Variants in COL24A1 observed in about 807,000 individuals in gnomAD.
COL24A1 encodes the protein collagen type XXIV alpha 1 chain.
A neutral mutation model predicts 253.9 loss-of-function variants in COL24A1; 224 were observed. The observed-to-expected ratio is 0.88, with a 90% CI of 0.79 to 0.99. The LOEUF (loss-of-function observed/expected upper bound fraction) is 0.99, where lower values mean the gene tolerates loss of function less well. COL24A1 is among the 50% of genes least tolerant of loss of function. COL24A1 has a pLI of 0.00. For synonymous variants in COL24A1, 685 were observed against 673.7 expected (o/e 1.02, Z -0.26); for missense variants, 2,131 against 2,068.5 (o/e 1.03, Z -0.59).
chr1:85,869,986 TA>T (rs1435104697), intron 35 of COL24A1, among the ~76,000 whole-genome samples: 4 of 151,846 alleles, frequency 2.6e-5, no homozygotes, highest in African/African-American at 9.7e-5. Context: ...TGGCTCAAAA[TA>T]AAGGGATGGA....
chr1:85,962,406 A>T (rs960630010), intron 23 of COL24A1, among the ~76,000 whole-genome samples: 1 of 152,196 alleles, frequency 6.6e-6, no homozygotes, highest in Non-Finnish European at 1.5e-5. Context: ...TATAGTCTTG[A>T]TTTATTCCAA....
At position 86,112,953 on chromosome 1, in the gene COL24A1, T is replaced by TTCTAA. The variant is rs550051387; in HGVS notation, c.1546-334_1546-333insTTAGA. On this transcript the variant is annotated intron_variant, in intron 4 of 59. Transcript: ENST00000370571. Reference sequence around the variant, plus strand: ...ACATTTCTTATACTGTTCTAATCTGTTACTTAAATACTTTATTGCTGTTCT... The same window carrying TTCTAA: ...ACATTTCTTATACTGTTCTAATCTGTTCTAATACTTAAATACTTTATTGCTGTTCT... Among the ~76,000 whole-genome samples, 608 of 152,322 alleles carry TTCTAA rather than the reference T, an allele frequency of 4.0e-3. 6 individuals are homozygous for TTCTAA. The highest frequency in any genetic ancestry group is 2.5e-3 in the Non-Finnish European group (169 of 68,018).
chr1:85,924,885 C>A (rs1183947053), intron 24 of COL24A1, among the ~76,000 whole-genome samples: 2 of 152,220 alleles, frequency 1.3e-5, no homozygotes, highest in East Asian at 3.9e-4. Flanking sequence ...TGAAATTGTC[C>A]ATGTTTGCAG....
At position 85,761,376 on chromosome 1, in the gene COL24A1, A is replaced by G. The variant is rs1344274525; in HGVS notation, c.4437+20T>C. On this transcript the variant is annotated intron_variant, in intron 55 of 59. Coordinates refer to ENST00000370571, the MANE Select transcript of COL24A1 (RefSeq NM_152890.7). The stretch of plus-strand genomic sequence containing the variant: ...ACATACTAAGATAAAACAAAACAAA[A>G]TCAAACCAAGCAAACTTACTCTTGG... 1 of 1,613,628 alleles carries G rather than the reference A, an allele frequency of 6.2e-7. No individual in the cohort carries two copies. Among genetic ancestry groups the G allele is most frequent in the Non-Finnish European group, 8.5e-7 (1 of 1,179,722 alleles).
intron 20 of COL24A1, among the ~76,000 whole-genome samples, chr1:85,982,868 G>T (rs1226074584): frequency 1.3e-5 from 2 of 151,944 alleles, no homozygotes; most frequent in African/African-American, 4.8e-5. Context: ...GTTACCTGGA[G>T]AATAAATGTC....
intron 58 of COL24A1, among the ~76,000 whole-genome samples, chr1:85,735,964 G>T (rs1167341462): frequency 6.6e-6 from 1 of 152,068 alleles, no homozygotes; most frequent in Admixed American, 6.6e-5. Context: ...GCATACACAT[G>T]GAAAGATAAT....
intron 3 of COL24A1, among the ~76,000 whole-genome samples, chr1:86,118,383 T>C (rs1213453272): frequency 1.3e-5 from 2 of 152,198 alleles, no homozygotes; most frequent in Non-Finnish European, 2.9e-5. Context: ...TTTTAAGGTA[T>C]GCATAAGGCA....
At chr1:85,858,955 C>A (rs937240371) in intron 37 of COL24A1, among the ~76,000 whole-genome samples, 4 of 151,930 alleles carry the variant, frequency 2.6e-5, no homozygotes, top group Admixed American at 2.6e-4. Flanking sequence ...CCAGGCTGGT[C>A]TTGAACTCCA....
At chr1:85,983,341 A>G (rs1419933939) in intron 20 of COL24A1, among the ~76,000 whole-genome samples, 2 of 151,780 alleles carry the variant, frequency 1.3e-5, no homozygotes, top group Non-Finnish European at 3.0e-5. Context: ...TAGTTCTCAA[A>G]AAGGCTTACT....
At position 86,063,381 on chromosome 1, in the gene COL24A1, GTT is replaced by G. The variant is rs869045478; in HGVS notation, c.1752+332_1752+333del. 2.2e-3 allele frequency among the ~76,000 whole-genome samples: 328 copies of G among 151,190 alleles called. 1 individual carries two copies. The highest frequency in any genetic ancestry group is 7.3e-3 in the African/African-American group (299 of 41,208). ...TCTCTGTGTGTGTGTGTGTGTGTGTGTTTGTATGTGTATGGATATGTATATTT... is the reference window on the plus strand; with the variant it reads ...TCTCTGTGTGTGTGTGTGTGTGTGTGTGTATGTGTATGGATATGTATATTT... On this transcript the variant is annotated intron_variant, in intron 8 of 59. Coordinates refer to ENST00000370571, the MANE Select transcript of COL24A1 (RefSeq NM_152890.7).
intron 47 of COL24A1, among the ~76,000 whole-genome samples, chr1:85,810,563 T>A: frequency 6.6e-6 from 1 of 152,036 alleles, no homozygotes; most frequent in African/African-American, 2.4e-5. Context: ...TGAATTGTAA[T>A]CCCCAGTGCA....
At chr1:86,120,393 C>T (rs1273741988) in intron 3 of COL24A1, among the ~76,000 whole-genome samples, 1 of 152,172 alleles carries the variant, frequency 6.6e-6, no homozygotes, top group Non-Finnish European at 1.5e-5. Context: ...ATCTACTCAT[C>T]TGACAAAGGG....
At chr1:86,002,307 C>CGGA (rs1695503236) in intron 19 of COL24A1, among the ~76,000 whole-genome samples, 8 of 152,270 alleles carry the variant, frequency 5.3e-5, no homozygotes, top group Admixed American at 5.2e-4. Flanking sequence ...CGCACCCCTG[C>CGGA]GGAGATCGCA....
intron 24 of COL24A1, among the ~76,000 whole-genome samples, chr1:85,912,273 C>T (rs946197501): frequency 7.9e-5 from 12 of 152,248 alleles, no homozygotes; most frequent in African/African-American, 2.6e-4. Flanking sequence ...TCAGAGTGAA[C>T]ACGTCTCAGG....
intron 12 of COL24A1, among the ~76,000 whole-genome samples, chr1:86,034,500 T>C (rs751409227): frequency 6.6e-6 from 1 of 152,130 alleles, no homozygotes; most frequent in Non-Finnish European, 1.5e-5. Context: ...TGGGTGGGAC[T>C]GAGATGTGAA....
At chr1:85,963,239 A>G (rs577450541) in intron 23 of COL24A1, among the ~76,000 whole-genome samples, 1 of 152,284 alleles carries the variant, frequency 6.6e-6, no homozygotes, top group East Asian at 1.9e-4. Context: ...ATGTATTTAG[A>G]TAAATAGTAA....
At chr1:86,018,294 A>G (rs1316637310) in intron 18 of COL24A1, among the ~76,000 whole-genome samples, 1 of 152,234 alleles carries the variant, frequency 6.6e-6, no homozygotes, top group Non-Finnish European at 1.5e-5. Flanking sequence ...TGGACATAAA[A>G]CAGGACACCA....
At chr1:85,833,207 C>T (rs1429129330) in intron 43 of COL24A1, among the ~76,000 whole-genome samples, 8 of 151,986 alleles carry the variant, frequency 5.3e-5, no homozygotes, top group East Asian at 1.9e-4. Context: ...AGAAAATTTT[C>T]GCAACCTACT....
intron 24 of COL24A1, among the ~76,000 whole-genome samples, chr1:85,944,912 T>A (rs1689112555): frequency 1.4e-5 from 2 of 148,038 alleles, no homozygotes; most frequent in Admixed American, 6.7e-5. Context: ...TCCATGTCCC[T>A]ACAAAGGACA....
Sources: gnomAD v4.1 joint callset for allele counts (sites outside exome capture counted in the v4.1 genomes callset) on GRCh38, gnomAD v4.1.1 for gene constraint, MANE v1.5 for transcripts, NCBI Gene and HGNC (gene_info 2026-07-23, HGNC 2026-07-21) for gene names.